The following CFAP299 variants were observed in gnomAD, a reference collection of about 807,000 sequenced individuals.
CFAP299 encodes the protein cilia and flagella associated protein 299.
In CFAP299, 21 loss-of-function variants were observed where a neutral mutation model predicts 27.0. That is an observed-to-expected ratio of 0.78 (90% CI 0.55 to 1.12). The LOEUF (loss-of-function observed/expected upper bound fraction) is 1.12. Among genes scored for constraint, CFAP299 ranks in the 50% most tolerant of loss-of-function variants. CFAP299 has a pLI of 0.00. For synonymous variants in CFAP299, 104 were observed against 98.1 expected (o/e 1.06, Z -0.36); for missense variants, 310 against 276.6 (o/e 1.12, Z -0.86).
At position 80,400,070 on chromosome 4, in the gene CFAP299, A is replaced by G. The variant is rs190428918; in HGVS notation, c.242+37186A>G. On this transcript the variant is annotated intron_variant, in intron 2 of 5. Coordinates refer to ENST00000358105, the MANE Select transcript of CFAP299 (RefSeq NM_152770.3). The stretch of plus-strand genomic sequence containing the variant: ...AACTTGTGATGTTATAAGTTTTGAA[A>G]TGTGTGCTTTACTTACTTTATATAT... Among the ~76,000 whole-genome samples the G allele has an allele frequency of 5.3e-5, 8 of 152,262 alleles. No individual in the cohort carries two copies. The East Asian group carries it at 5.8e-4, about 11-fold the overall frequency.
At chr4:80,759,401 C>A (rs192385556) in intron 3 of CFAP299, among the ~76,000 whole-genome samples, 37 of 152,152 alleles carry the variant, frequency 2.4e-4, no homozygotes, top group Admixed American at 7.2e-4. Context: ...CTTTAAATGC[C>A]CTGGTTGTAG....
rs1301554269 is a variant in CFAP299 at position 80,629,119 on chromosome 4, C to T, written c.333+45936C>T. ...TAAAAAATGTGGACACAATGGAATACTATTAAGCCATAAAAAAGAAGGAAA... is the reference window on the plus strand; with the variant it reads ...TAAAAAATGTGGACACAATGGAATATTATTAAGCCATAAAAAAGAAGGAAA... On this transcript the variant is annotated intron_variant, in intron 3 of 5. Coordinates refer to ENST00000358105, the MANE Select transcript of CFAP299 (RefSeq NM_152770.3). Among the ~76,000 whole-genome samples, 9 of 152,048 alleles carry T rather than the reference C, an allele frequency of 5.9e-5. No individual in the cohort carries two copies. In the South Asian group the frequency reaches 1.9e-3, roughly 31 times the overall value.
intron 3 of CFAP299, among the ~76,000 whole-genome samples, chr4:80,669,018 T>C (rs1036698689): frequency 6.6e-5 from 10 of 151,958 alleles, no homozygotes; most frequent in African/African-American, 2.2e-4. Context: ...GTTCTTCTTG[T>C]ATGGCTCTTC....
chr4:80,426,917 A>C (rs1336791440), intron 2 of CFAP299, among the ~76,000 whole-genome samples: 6 of 152,198 alleles, frequency 3.9e-5, no homozygotes, highest in Non-Finnish European at 7.4e-5. Context: ...TTTTTTCTAA[A>C]TAGTTTTTGA....
chr4:80,327,512 T>C, the CFAP299 span, among the ~76,000 whole-genome samples: 2 of 151,620 alleles, frequency 1.3e-5, no homozygotes, highest in African/African-American at 2.4e-5. Flanking sequence ...TGAAATTCTC[T>C]GGCTACTGTG....
In CFAP299 at chr4:80,394,390, C is replaced by A. The variant is rs367721717; in HGVS notation, c.242+31506C>A. 2.4e-3 allele frequency among the ~76,000 whole-genome samples: 361 copies of A among 149,934 alleles called. 2 individuals carry two copies. Among genetic ancestry groups the A allele is most frequent in the African/African-American group, 8.0e-3 (329 of 40,954 alleles). On this transcript the variant is annotated intron_variant, in intron 2 of 5. Transcript: ENST00000358105. ...TTTTTCTCTCATTCTGTAGGTTGTT[C>A]CTTGGCTGTACACAGTTTTTTTTTT...
chr4:80,464,818 T>C (rs1729627443), intron 2 of CFAP299, among the ~76,000 whole-genome samples: 1 of 152,154 alleles, frequency 6.6e-6, no homozygotes, highest in Non-Finnish European at 1.5e-5. Context: ...ATCTGGAATA[T>C]TATTAATTAA....
chr4:80,691,952 A>C (rs1352009137), intron 3 of CFAP299, among the ~76,000 whole-genome samples: 1 of 152,134 alleles, frequency 6.6e-6, no homozygotes, highest in African/African-American at 2.4e-5. Flanking sequence ...CAATTGCTTC[A>C]AAGAGAATAA....
At chr4:80,730,266 G>GTA in intron 3 of CFAP299, among the ~76,000 whole-genome samples, 1 of 149,434 alleles carries the variant, frequency 6.7e-6, no homozygotes, top group Non-Finnish European at 1.5e-5. Context: ...GTGTGTGTGT[G>GTA]TGTGTGTGTG....
chr4:80,899,872 A>G (rs1385827040), intron 4 of CFAP299, among the ~76,000 whole-genome samples: 1 of 152,166 alleles, frequency 6.6e-6, no homozygotes, highest in Non-Finnish European at 1.5e-5. Flanking sequence ...TGAGAACAGA[A>G]TGAGCTCATA....
rs188460629 is a variant in CFAP299, at chr4:80,463,291, C to T, written c.242+100407C>T. ...TAGCAAATGGCTATTTTAAAAAACA[C>T]TACATGAGAATGAGTCAGTTAAGAA... On this transcript the variant is annotated intron_variant, in intron 2 of 5. Transcript: ENST00000358105. 1.0e-3 allele frequency among the ~76,000 whole-genome samples: 159 copies of T among 152,072 alleles called. 2 individuals carry two copies. Among genetic ancestry groups the T allele is most frequent in the African/African-American group, 3.6e-3 (149 of 41,504 alleles).
intron 3 of CFAP299, among the ~76,000 whole-genome samples, chr4:80,734,726 G>A (rs147062236): frequency 4.6e-5 from 7 of 151,988 alleles, no homozygotes; most frequent in South Asian, 2.1e-4. Context: ...AGAGACTGTC[G>A]TTCCCCCATT....
At position 80,812,344 on chromosome 4, in the gene CFAP299, G is replaced by C. The variant is rs993215640; in HGVS notation, c.334-57649G>C. 2.0e-5 allele frequency among the ~76,000 whole-genome samples: 3 copies of C among 152,074 alleles called. No homozygotes were observed. In the South Asian group the frequency reaches 6.2e-4, roughly 31 times the overall value. On this transcript the variant is annotated intron_variant, in intron 3 of 5. Coordinates refer to ENST00000358105, the MANE Select transcript of CFAP299 (RefSeq NM_152770.3). ...ACACTGTGAAACTACAGGGTGACAA[G>C]TGTTTTGATAGAGGTTTGTATGCCA... is the stretch of plus-strand genomic sequence containing the variant.
chr4:80,357,249 T>C (rs956029426), intron 1 of CFAP299, among the ~76,000 whole-genome samples: 1 of 152,216 alleles, frequency 6.6e-6, no homozygotes, highest in African/African-American at 2.4e-5. Flanking sequence ...CAGTATTTTA[T>C]TGAGGATTTT....
At chr4:80,611,547 G>A (rs1444702566) in intron 3 of CFAP299, among the ~76,000 whole-genome samples, 1 of 152,052 alleles carries the variant, frequency 6.6e-6, no homozygotes, top group African/African-American at 2.4e-5. Context: ...TACAGCAGGT[G>A]CACCTGTGTA....
At chr4:80,437,943 A>G (rs1033528024) in intron 2 of CFAP299, among the ~76,000 whole-genome samples, 1 of 151,930 alleles carries the variant, frequency 6.6e-6, no homozygotes, top group African/African-American at 2.4e-5. Flanking sequence ...TTGACCTTTT[A>G]TTCTTTTCTT....
chr4:80,712,725 G>A (rs1451620233), intron 3 of CFAP299, among the ~76,000 whole-genome samples: 1 of 152,090 alleles, frequency 6.6e-6, no homozygotes, highest in African/African-American at 2.4e-5. Flanking sequence ...TTCGATAATA[G>A]CTGGATTAAT....
intron 3 of CFAP299, among the ~76,000 whole-genome samples, chr4:80,587,617 G>A (rs1318942005): frequency 3.3e-5 from 5 of 152,044 alleles, no homozygotes; most frequent in African/African-American, 1.2e-4. Context: ...TTCTGAGACA[G>A]TGCCTTGCTC....
At chr4:80,911,409 G>A (rs1735466746) in intron 4 of CFAP299, among the ~76,000 whole-genome samples, 1 of 151,958 alleles carries the variant, frequency 6.6e-6, no homozygotes, top group African/African-American at 2.4e-5. Context: ...ACAAGTAAAT[G>A]TGTTTATTTT....
Sources: gnomAD v4.1 joint callset for allele counts (sites outside exome capture counted in the v4.1 genomes callset) on GRCh38, gnomAD v4.1.1 for gene constraint, MANE v1.5 for transcripts, NCBI Gene and HGNC (gene_info 2026-07-23, HGNC 2026-07-21) for gene names.